The following PMM2 variants were observed in gnomAD, a reference collection of about 807,000 sequenced individuals.
The protein encoded by PMM2 is mannose-6-phosphate isomerase.
Under a neutral mutation model 33.2 loss-of-function variants are expected in PMM2, and 35 were observed. The ratio of observed to expected loss-of-function variants is 1.06; its 90% CI spans 0.81 to 1.40. The LOEUF is 1.40. Among genes scored for constraint, PMM2 ranks in the 40% most tolerant of loss-of-function variants. The probability of loss-of-function intolerance (pLI) is 0.00; values close to 1 mark genes in which losing one functional copy is unlikely to be tolerated. For missense variants in PMM2, 386 were observed against 306.0 expected, an observed-to-expected ratio of 1.26 and a Z score of -1.95; for synonymous variants, 153 against 114.7, an observed-to-expected ratio of 1.33 and a Z score of -2.13.
chr16:8,844,848 G>C (rs990759667), intron 7 of PMM2, among the ~76,000 whole-genome samples: 3 of 152,226 alleles, frequency 2.0e-5, no homozygotes, highest in South Asian at 2.1e-4. Flanking sequence ...GGGATAGGGA[G>C]GTTGGAGAAG....
At position 8,811,719 on chromosome 16, in the gene PMM2, G is replaced by T. The variant is rs1038910707; in HGVS notation, c.523+6G>T. On this transcript the variant is annotated splice_donor_region_variant and intron_variant, in intron 6 of 7. Coordinates refer to ENST00000268261, the MANE Select transcript of PMM2 (RefSeq NM_000303.3). ...AGGCCTCACGTTTTCCATAGGTATT[G>T]TATATATTGCCTGTGTTCCAAACTT... The T allele has an allele frequency of 1.9e-6, 3 of 1,590,708 alleles. No individual in the cohort carries two copies. Among genetic ancestry groups the T allele is most frequent in the South Asian group, 1.1e-5 (1 of 90,616 alleles).
At position 8,848,053 on chromosome 16, in the gene PMM2, G is replaced by A. The variant is rs1382125500; in HGVS notation, c.*228G>A. The A allele has an allele frequency of 5.5e-6, 3 of 547,082 alleles. No individual in the cohort carries two copies. In the African/African-American group the frequency reaches 5.7e-5, roughly 10 times the overall value. 33.9% of individuals were successfully genotyped at this position (547,082 alleles called of 1,614,324 possible). A position where few individuals can be genotyped will look rare whatever the true frequency, so the allele number is the denominator to read the frequency against. On this transcript the variant is annotated 3_prime_UTR_variant, in exon 8 of 8. Coordinates refer to ENST00000268261, the MANE Select transcript of PMM2 (RefSeq NM_000303.3). ...CCCAGAGGAATGCCTCGCACAAAAGGTCTTCCCCACCCACCCCCAGCCCCC... is the reference window on the plus strand; with the variant it reads ...CCCAGAGGAATGCCTCGCACAAAAGATCTTCCCCACCCACCCCCAGCCCCC...
At chr16:8,812,764 C>A (rs1396533014) in intron 6 of PMM2, among the ~76,000 whole-genome samples, 1 of 152,190 alleles carries the variant, frequency 6.6e-6, no homozygotes, top group South Asian at 2.1e-4. Flanking sequence ...TCTGAGTTGG[C>A]ATTCTGTGCC....
chr16:8,804,741 A>G, intron 2 of PMM2, 26 bp from the exon 3 acceptor site: 2 of 1,523,596 alleles, frequency 1.3e-6, no homozygotes, highest in South Asian at 1.1e-5. Flanking sequence ...TTTGCATTCT[A>G]AGTGTTTTTT....
intron 2 of PMM2, chr16:8,802,436 A>T (rs1259436025): frequency 1.1e-5 from 4 of 376,410 alleles, no homozygotes; most frequent in South Asian, 5.9e-5. Context: ...CTAATGTAGC[A>T]TTCTGTAATT....
intron 7 of PMM2, among the ~76,000 whole-genome samples, chr16:8,837,117 C>T (rs922916203): frequency 9.2e-5 from 14 of 151,846 alleles, no homozygotes; most frequent in African/African-American, 3.4e-4. Context: ...CTCAGCGACG[C>T]TTGGGGTTGC....
At chr16:8,843,187 A>C (rs145689174) in intron 7 of PMM2, among the ~76,000 whole-genome samples, 6,884 of 152,206 alleles carry the variant, frequency 0.045, 234 homozygotes, top group Middle Eastern at 0.13. Context: ...TACCCACAAC[A>C]GTTATGGAGG....
chr16:8,835,340 A>G (rs2060838217), intron 7 of PMM2, among the ~76,000 whole-genome samples: 1 of 151,992 alleles, frequency 6.6e-6, no homozygotes, highest in East Asian at 1.9e-4. Flanking sequence ...GAGATAGGTA[A>G]CAGATGGGGA....
intron 7 of PMM2, among the ~76,000 whole-genome samples, chr16:8,827,831 T>TA: frequency 1.1e-5 from 1 of 93,588 alleles, no homozygotes; most frequent in East Asian, 3.3e-4. Flanking sequence ...ATATATTATA[T>TA]ATATTGTATA....
intron 4 of PMM2, chr16:8,806,746 A>G (rs1240182281): frequency 1.2e-5 from 4 of 342,132 alleles, no homozygotes; most frequent in African/African-American, 8.4e-5. Flanking sequence ...TACGTAAATG[A>G]TGGCTTATCC....
At chr16:8,811,522 A>AAAACT in intron 5 of PMM2, 116 bp from the exon 6 acceptor site, 1 of 771,714 alleles carries the variant, frequency 1.3e-6, no homozygotes, top group Non-Finnish European at 2.2e-6. Flanking sequence ...CCCCATCTCA[A>AAAACT]AAACTAAACA....
intron 7 of PMM2, among the ~76,000 whole-genome samples, chr16:8,827,156 C>T (rs986520584): frequency 2.6e-5 from 4 of 152,024 alleles, no homozygotes; most frequent in African/African-American, 9.7e-5. Context: ...ATGAGGAAAA[C>T]AGAGTTTCTC....
At chr16:8,809,732 G>T (rs12597479) in intron 4 of PMM2, 65,747 of 151,960 alleles carry the variant, frequency 0.43, 15,133 homozygotes, top group Non-Finnish European at 0.52. Context: ...GATTACAGGT[G>T]TGAGCCAAAG....
At chr16:8,798,541 C>T (rs1486407585) in intron 1 of PMM2, among the ~76,000 whole-genome samples, 1 of 152,126 alleles carries the variant, frequency 6.6e-6, no homozygotes. Flanking sequence ...ACACACTAGG[C>T]CTCAGTAAAT....
chr16:8,827,781 TA>T (rs2141034195), intron 7 of PMM2, among the ~76,000 whole-genome samples: 2 of 68,500 alleles, frequency 2.9e-5, no homozygotes, highest in South Asian at 4.1e-4. Context: ...TATATATATA[TA>T]TTTATATATA....
rs1168609119 is a variant in PMM2 at position 8,827,848 on chromosome 16, AAT to A, written c.639+14749_639+14750del. On this transcript the variant is annotated intron_variant, in intron 7 of 7. Transcript: ENST00000268261. Reference sequence around the variant, plus strand: ...ATATTATATATATTGTATAATATATAATATATATGTTATATATTATATATATG... The same window carrying A: ...ATATTATATATATTGTATAATATATAATATATGTTATATATTATATATATG... Among the ~76,000 whole-genome samples the A allele has an allele frequency of 1.6e-4, 11 of 69,918 alleles. 1 individual carries two copies. Among genetic ancestry groups the A allele is most frequent in the African/African-American group, 3.5e-4 (7 of 20,072 alleles). The allele number at this position is 69,918 out of a possible 152,430, so 45.9% of individuals were successfully genotyped here. A position where few individuals can be genotyped will look rare whatever the true frequency, so the allele number is the denominator to read the frequency against.
intron 4 of PMM2, chr16:8,809,498 A>C (rs2060666066): frequency 6.6e-6 from 1 of 151,154 alleles, no homozygotes. Flanking sequence ...TGTCTCCCAG[A>C]CTGGAGTGCA....
At chr16:8,820,378 A>T (rs7195169) in intron 7 of PMM2, among the ~76,000 whole-genome samples, 3 of 136,402 alleles carry the variant, frequency 2.2e-5, no homozygotes, top group African/African-American at 3.2e-5. Flanking sequence ...TCCTGAGACA[A>T]GGTCTCACTC....
intron 4 of PMM2, 54 bp downstream of exon 4, chr16:8,806,461 G>T (rs752403805): frequency 6.5e-6 from 7 of 1,080,436 alleles, no homozygotes; most frequent in Non-Finnish European, 7.2e-6. Flanking sequence ...AGTGTCACAT[G>T]GTGGGCTAAT....
Sources: gnomAD v4.1 joint callset for allele counts (sites outside exome capture counted in the v4.1 genomes callset) on GRCh38, gnomAD v4.1.1 for gene constraint, MANE v1.5 for transcripts, NCBI Gene and HGNC (gene_info 2026-07-23, HGNC 2026-07-21) for gene names.